PDE4B: variants seen among roughly 807,000 people sequenced by gnomAD.
PDE4B encodes the protein 3',5'-cyclic-AMP phosphodiesterase 4B.
Under a neutral mutation model 82.2 loss-of-function variants are expected in PDE4B, and 20 were observed. The ratio of observed to expected loss-of-function variants is 0.24; its 90% confidence interval spans 0.17 to 0.35. The LOEUF (loss-of-function observed/expected upper bound fraction) is 0.35, where lower values mean the gene tolerates loss of function less well. Among genes scored for constraint, PDE4B ranks in the 10% least tolerant of loss-of-function variants. The pLI is 1.00. For synonymous variants in PDE4B, 320 were observed against 318.9 expected, an observed-to-expected ratio of 1.00 and a Z score of -0.04; for missense variants, 655 against 907.2, an observed-to-expected ratio of 0.72 and a Z score of 3.57.
At chr1:66,160,562 C>G (rs1301969486) in intron 3 of PDE4B, among the ~76,000 whole-genome samples, 1 of 152,190 alleles carries the variant, frequency 6.6e-6, no homozygotes. Flanking sequence ...ATTCTTTTTA[C>G]ACCTCTGAAA....
intron 7 of PDE4B, among the ~76,000 whole-genome samples, chr1:66,309,619 G>A (rs1008682350): frequency 6.6e-6 from 1 of 152,138 alleles, no homozygotes; most frequent in African/African-American, 2.4e-5. Flanking sequence ...TTTGCCTTTG[G>A]AATCAGACAG....
Position 66,042,978 on chromosome 1 carries a change from G to A in PDE4B, c.281+124143G>A, listed in dbSNP as rs144213844. On this transcript the variant is annotated intron_variant, in intron 3 of 16. Transcript: ENST00000341517. The stretch of plus-strand genomic sequence containing the variant: ...CTATTATGTTAAGTAGTTTCTTACC[G>A]TATGAAATTCATGTGTTCTTTTCAT... 6.3e-3 allele frequency among the ~76,000 whole-genome samples: 950 copies of A among 151,738 alleles called. 9 individuals carry two copies. The highest frequency in any genetic ancestry group is 0.017 in the South Asian group (84 of 4,816).
At chr1:65,895,289 C>A (rs912991464) in intron 1 of PDE4B, among the ~76,000 whole-genome samples, 5 of 152,018 alleles carry the variant, frequency 3.3e-5, no homozygotes, top group African/African-American at 1.2e-4. Flanking sequence ...GTGGCTCACA[C>A]CTGTAATACC....
At chr1:65,822,879 C>G (rs971174397) in intron 1 of PDE4B, among the ~76,000 whole-genome samples, 1 of 152,142 alleles carries the variant, frequency 6.6e-6, no homozygotes, top group Non-Finnish European at 1.5e-5. Context: ...TTTGCTCAGT[C>G]TGTGATATTT....
intron 1 of PDE4B, among the ~76,000 whole-genome samples, chr1:65,907,220 G>A (rs1282459594): frequency 1.3e-5 from 2 of 152,136 alleles, no homozygotes; most frequent in Non-Finnish European, 1.5e-5. Flanking sequence ...ATAACTGAGT[G>A]CAGTAGTCCT....
At chr1:66,347,405 T>G (rs1661483487) in intron 8 of PDE4B, among the ~76,000 whole-genome samples, 1 of 152,240 alleles carries the variant, frequency 6.6e-6, no homozygotes, top group South Asian at 2.1e-4. Flanking sequence ...ATAGTTTATG[T>G]GTGCAAACCT....
intron 8 of PDE4B, among the ~76,000 whole-genome samples, chr1:66,336,613 G>A (rs1660536414): frequency 6.6e-6 from 1 of 151,688 alleles, no homozygotes; most frequent in African/African-American, 2.4e-5. Flanking sequence ...GGTGAAAATG[G>A]ATATTCTGTT....
At chr1:66,154,986 T>C (rs926640708) in intron 3 of PDE4B, among the ~76,000 whole-genome samples, 5 of 152,046 alleles carry the variant, frequency 3.3e-5, no homozygotes, top group African/African-American at 1.2e-4. Context: ...GAGACCAGCC[T>C]GAGCAACATA....
At chr1:66,215,490 C>A (rs1402284014) in intron 3 of PDE4B, among the ~76,000 whole-genome samples, 1 of 152,228 alleles carries the variant, frequency 6.6e-6, no homozygotes, top group African/African-American at 2.4e-5. Flanking sequence ...AGAGGGTAAA[C>A]ATACAATATT....
chr1:66,126,456 A>G (rs554713399), intron 3 of PDE4B, among the ~76,000 whole-genome samples: 15 of 152,330 alleles, frequency 9.8e-5, no homozygotes, highest in Non-Finnish European at 1.6e-4. Flanking sequence ...CCATGATGCC[A>G]TTAACTCATC....
chr1:66,007,144 A>G (rs140548032), intron 3 of PDE4B, among the ~76,000 whole-genome samples: 1 of 152,048 alleles, frequency 6.6e-6, no homozygotes, highest in Non-Finnish European at 1.5e-5. Context: ...AAAAAAATAT[A>G]TAAAAGTATA....
intron 7 of PDE4B, 76 bp downstream of exon 7, chr1:66,266,163 T>G (rs1320401166): frequency 6.0e-6 from 7 of 1,161,890 alleles, no homozygotes; most frequent in Admixed American, 3.4e-5. Flanking sequence ...GAACTGTTTT[T>G]TAGAACAATA....
intron 3 of PDE4B, among the ~76,000 whole-genome samples, chr1:66,076,394 T>C (rs1252919765): frequency 6.6e-6 from 1 of 152,200 alleles, no homozygotes; most frequent in African/African-American, 2.4e-5. Flanking sequence ...TCCATCGTTA[T>C]ATGTAGCACA....
intron 3 of PDE4B, among the ~76,000 whole-genome samples, chr1:66,203,652 C>T (rs1015375235): frequency 2.6e-4 from 40 of 152,310 alleles, no homozygotes; most frequent in African/African-American, 9.4e-4. Flanking sequence ...GCTCCTGAGG[C>T]TTCTGCATTC....
intron 12 of PDE4B, among the ~76,000 whole-genome samples, chr1:66,363,993 C>T (rs1663029410): frequency 6.6e-6 from 1 of 152,060 alleles, no homozygotes; most frequent in African/African-American, 2.4e-5. Context: ...AAGTATTTAA[C>T]TGTAAAGCAA....
chr1:66,299,138 T>G (rs1657714308), intron 7 of PDE4B, among the ~76,000 whole-genome samples: 1 of 152,154 alleles, frequency 6.6e-6, no homozygotes. Context: ...ATTAACTATA[T>G]TTACCCCATA....
At chr1:65,925,637 T>G (rs956883107) in intron 3 of PDE4B, among the ~76,000 whole-genome samples, 1 of 152,216 alleles carries the variant, frequency 6.6e-6, no homozygotes, top group African/African-American at 2.4e-5. Flanking sequence ...TTTGACTTAT[T>G]TATTGCCCTC....
chr1:65,838,933 T>C (rs185680457), intron 1 of PDE4B, among the ~76,000 whole-genome samples: 1 of 152,156 alleles, frequency 6.6e-6, no homozygotes. Flanking sequence ...CAAAAATACC[T>C]TGAAGCTAGT....
rs1659766461 is a variant in PDE4B, at chr1:66,326,581, A to G, written c.635-5927A>G. ...AATTGGTCCAATTGTTTTAGCCACT[A>G]GAATAACTTTGCAAATAGTTACCAC... On this transcript the variant is annotated intron_variant, in intron 7 of 16. Transcript: ENST00000341517. Among the ~76,000 whole-genome samples, 3 of 152,370 alleles carry G rather than the reference A, an allele frequency of 2.0e-5. 1 individual carries two copies. The South Asian group carries it at 6.2e-4, about 32-fold the overall frequency.
Sources: gnomAD v4.1 joint callset for allele counts (sites outside exome capture counted in the v4.1 genomes callset) on GRCh38, gnomAD v4.1.1 for gene constraint, MANE v1.5 for transcripts, NCBI Gene and HGNC (gene_info 2026-07-23, HGNC 2026-07-21) for gene names.